Variants in PYROXD1 observed in about 807,000 individuals in gnomAD.
PYROXD1 encodes the protein tRNA ligase complex-associated NAD(P)H dehydrogenase PYROXD1.
PYROXD1 carries 42 observed loss-of-function variants against 62.0 expected under a neutral mutation model. That is an observed-to-expected ratio of 0.68 (90% CI 0.53 to 0.88). The LOEUF (loss-of-function observed/expected upper bound fraction) is 0.88. Among genes scored for constraint, PYROXD1 ranks in the 40% least tolerant of loss-of-function variants. PYROXD1 has a pLI of 0.00. For synonymous variants in PYROXD1, 170 were observed against 206.4 expected, an observed-to-expected ratio of 0.82 and a Z score of 1.51; for missense variants, 493 against 604.8, an observed-to-expected ratio of 0.82 and a Z score of 1.94.
chr12:21,468,628 T>C lies in PYROXD1; in HGVS notation c.1377T>C (p.Ala459=), dbSNP rs1158468391. The C allele has an allele frequency of 1.2e-6, 2 of 1,612,966 alleles. No individual in the cohort carries two copies. The highest frequency in any genetic ancestry group is 1.7e-6 in the Non-Finnish European group (2 of 1,179,410). ...VVMQNGRMMG[A]VLIGETDLEE... is the part of the protein sequence containing the mutation. ...TGCAAAATGGACGAATGATGGGAGC[T>C]GTCTTAATTGGTGAAACCGATTTAG... Residue 459 remains alanine (A), a synonymous_variant, in exon 12 of 12, where the codon GCT becomes GCC. Transcript: ENST00000240651.
chr12:21,466,736 A>G (rs1014241168), intron 10 of PYROXD1, among the ~76,000 whole-genome samples: 12 of 152,020 alleles, frequency 7.9e-5, no homozygotes, highest in Non-Finnish European at 1.3e-4. Context: ...TCCCTGTCTT[A>G]TGCCAGTTTT....
At position 21,470,003 on chromosome 12, in the gene PYROXD1, T is replaced by G; in HGVS notation, c.*1249T>G. 1.4e-6 allele frequency: 1 copy of G among 713,830 alleles called. No homozygotes were observed. The highest frequency in any genetic ancestry group is 2.1e-6 in the Non-Finnish European group (1 of 486,902). The allele number at this position is 713,830 out of a possible 1,614,324, so 44.2% of individuals were successfully genotyped here. The stretch of plus-strand genomic sequence containing the variant: ...TTTTCCCTTGTTTTATACTGGAAAA[T>G]TATATAATTCATGATCTCTAATTTT... On this transcript the variant is annotated 3_prime_UTR_variant, in exon 12 of 12. Transcript: ENST00000240651.
rs2417990 is a variant in PYROXD1 at position 21,471,113 on chromosome 12, G to A, written c.*2359G>A. On this transcript the variant is annotated 3_prime_UTR_variant, in exon 12 of 12. Transcript: ENST00000240651. The stretch of plus-strand genomic sequence containing the variant: ...TGTAGTCTTCTCTGCAGAAAATAAA[G>A]GCCAACAATAAGAAAGCTTTTGAAG... 2 of 1,552,496 alleles carry A rather than the reference G, an allele frequency of 1.3e-6. No homozygotes were observed. Among genetic ancestry groups the A allele is most frequent in the East Asian group, 2.3e-5 (1 of 42,562 alleles).
chr12:21,456,526 G>A (rs148366150), intron 7 of PYROXD1, among the ~76,000 whole-genome samples: 11 of 152,246 alleles, frequency 7.2e-5, no homozygotes, highest in Non-Finnish European at 1.2e-4. Flanking sequence ...TGCACATAAC[G>A]TTAATTTAAA....
rs756853003 is a variant in PYROXD1, at chr12:21,455,946, A to T, written c.650-49A>T. ...AAATAAAAAACTTCAGAACACTAAC[A>T]TATTTCTCTATCTGGTAATTTTTAT... On this transcript the variant is annotated intron_variant, in intron 6 of 11. Transcript: ENST00000240651. 6 of 1,235,374 alleles carry T rather than the reference A, an allele frequency of 4.9e-6. No individual in the cohort carries two copies. In the South Asian group the frequency reaches 6.5e-5, roughly 13 times the overall value. The allele number at this position is 1,235,374 out of a possible 1,614,324, so 76.5% of individuals were successfully genotyped here.
At chr12:21,455,060 T>C (rs2137267747) in intron 5 of PYROXD1, 72 bp from the exon 6 acceptor site, 1 of 880,942 alleles carries the variant, frequency 1.1e-6, no homozygotes, top group Non-Finnish European at 1.6e-6. Context: ...CAGGAGATCA[T>C]TATTTGCAAA....
At chr12:21,449,107 T>C (rs866368080) in intron 3 of PYROXD1, among the ~76,000 whole-genome samples, 5 of 152,204 alleles carry the variant, frequency 3.3e-5, no homozygotes, top group Admixed American at 6.5e-5. Flanking sequence ...AGGATATGGT[T>C]AGAATTACTA....
chr12:21,440,233 A>G (rs1942268671), intron 1 of PYROXD1, 135 bp from the exon 2 acceptor site: 2 of 554,388 alleles, frequency 3.6e-6, no homozygotes, highest in Non-Finnish European at 3.2e-6. Context: ...GGAGACCTTT[A>G]GATGAGGAAC....
rs1942947923 is a variant in PYROXD1 at position 21,471,155 on chromosome 12, AT to A, written c.*2404del. 1.3e-6 allele frequency: 2 copies of A among 1,488,230 alleles called. No homozygotes were observed. The highest frequency in any genetic ancestry group is 4.9e-5 in the East Asian group (2 of 41,084). 92.2% of individuals were successfully genotyped at this position (1,488,230 alleles called of 1,614,324 possible). On this transcript the variant is annotated 3_prime_UTR_variant, in exon 12 of 12. Transcript: ENST00000240651. ...CTTTTGAAGGAATCACGGAAAACAA[AT>A]TTATAAAAGAAATAACTATATGCGC...
chr12:21,441,656 T>G (rs932559928), intron 2 of PYROXD1, among the ~76,000 whole-genome samples: 1 of 152,238 alleles, frequency 6.6e-6, no homozygotes. Context: ...TTTTTTGTTT[T>G]GGTTGCTTAT....
intron 7 of PYROXD1, chr12:21,457,034 C>T: frequency 9.2e-6 from 3 of 325,584 alleles, no homozygotes; most frequent in Non-Finnish European, 1.8e-5. Flanking sequence ...TTATTTCCAC[C>T]ATATCTGCCT....
intron 1 of PYROXD1, 41 bp from the exon 2 acceptor site, chr12:21,440,322 TTAAAG>T (rs1200327111): frequency 6.3e-6 from 7 of 1,109,924 alleles, no homozygotes; most frequent in African/African-American, 4.7e-5. Context: ...ATACCAGTAC[TTAAAG>T]TAATTTGTCC....
At chr12:21,466,496 G>C (rs544043022) in intron 10 of PYROXD1, among the ~76,000 whole-genome samples, 3 of 152,230 alleles carry the variant, frequency 2.0e-5, no homozygotes, top group Non-Finnish European at 4.4e-5. Context: ...GAATGCTTGT[G>C]ATTTTTGCAC....
intron 7 of PYROXD1, among the ~76,000 whole-genome samples, chr12:21,459,735 G>T (rs955988564): frequency 6.6e-6 from 1 of 152,174 alleles, no homozygotes; most frequent in Non-Finnish European, 1.5e-5. Context: ...TTAATTGCTT[G>T]CTTAGTGTGT....
At chr12:21,458,802 AC>A (rs532319836) in intron 7 of PYROXD1, among the ~76,000 whole-genome samples, 19 of 152,218 alleles carry the variant, frequency 1.2e-4, no homozygotes, top group Non-Finnish European at 2.6e-4. Flanking sequence ...ACACCCCAAG[AC>A]AATTACAGTA....
At chr12:21,468,482 T>A in intron 11 of PYROXD1, 24 bp from the exon 12 acceptor site, 4 of 1,596,332 alleles carry the variant, frequency 2.5e-6, no homozygotes. Flanking sequence ...CTCATGACAA[T>A]AACCTTTTTA....
At position 21,443,880 on chromosome 12, in the gene PYROXD1, A is replaced by G. The variant is rs146391345; in HGVS notation, c.166-1467A>G. Among the ~76,000 whole-genome samples, 478 of 152,324 alleles carry G rather than the reference A, an allele frequency of 3.1e-3. 4 individuals carry two copies. The highest frequency in any genetic ancestry group is 0.011 in the African/African-American group (459 of 41,576). On this transcript the variant is annotated intron_variant, in intron 2 of 11. Transcript: ENST00000240651. ...TAGCTTAGTACTTAGGTATAGCCAA[A>G]GAGTTATGGAGTTTGGGAGAAATAG...
At chr12:21,465,410 C>G (rs2137288259) in intron 10 of PYROXD1, among the ~76,000 whole-genome samples, 1 of 152,308 alleles carries the variant, frequency 6.6e-6, no homozygotes, top group South Asian at 2.1e-4. Flanking sequence ...TTGCATTTCT[C>G]TGATGGCCAG....
chr12:21,440,922 A>C (rs1360529298), intron 2 of PYROXD1, among the ~76,000 whole-genome samples: 2 of 152,026 alleles, frequency 1.3e-5, no homozygotes, highest in African/African-American at 4.8e-5. Flanking sequence ...GATGGTCATG[A>C]TTTTTGTCCT....
Sources: gnomAD v4.1 joint callset for allele counts (sites outside exome capture counted in the v4.1 genomes callset) on GRCh38, gnomAD v4.1.1 for gene constraint, MANE v1.5 for transcripts, NCBI Gene and HGNC (gene_info 2026-07-23, HGNC 2026-07-21) for gene names.